DGKG: variants seen among roughly 807,000 people sequenced by gnomAD.
The protein encoded by DGKG is DAG kinase gamma.
DGKG carries 78 observed loss-of-function variants against 105.3 expected under a neutral mutation model. That is an observed-to-expected ratio of 0.74 (90% CI 0.62 to 0.89). The LOEUF (loss-of-function observed/expected upper bound fraction) is 0.89. Among genes scored for constraint, DGKG ranks in the 40% least tolerant of loss-of-function variants. The probability of loss-of-function intolerance (pLI) is 0.00; values close to 1 mark genes in which losing one functional copy is unlikely to be tolerated. For synonymous variants in DGKG, 346 were observed against 367.1 expected (o/e 0.94, Z 0.66); for missense variants, 958 against 1,020.1 (o/e 0.94, Z 0.83).
Position 186,149,020 on chromosome 3 carries a change from ACACACG to A in DGKG, c.*1064_*1069del. On this transcript the variant is annotated 3_prime_UTR_variant, in exon 25 of 25. Coordinates refer to ENST00000265022, the MANE Select transcript of DGKG (RefSeq NM_001346.3). Reference sequence around the variant, plus strand: ...TATATATATACACGCACACACACACACACACGCGCGCACACACGTTAAGACCATCAG... The same window carrying A: ...TATATATATACACGCACACACACACACGCGCACACACGTTAAGACCATCAG... 1 of 978,946 alleles carries A rather than the reference ACACACG, an allele frequency of 1.0e-6. No homozygotes were observed. The highest frequency in any genetic ancestry group is 1.2e-6 in the Non-Finnish European group (1 of 825,966). 60.6% of individuals were successfully genotyped at this position (978,946 alleles called of 1,614,324 possible).
At chr3:186,307,659 G>A (rs1724314319) in intron 2 of DGKG, among the ~76,000 whole-genome samples, 1 of 152,176 alleles carries the variant, frequency 6.6e-6, no homozygotes, top group South Asian at 2.1e-4. Flanking sequence ...GTGAGTCTTT[G>A]TCTATCATAC....
intron 20 of DGKG, among the ~76,000 whole-genome samples, chr3:186,235,111 G>A (rs936249717): frequency 6.6e-6 from 1 of 152,062 alleles, no homozygotes; most frequent in Non-Finnish European, 1.5e-5. Context: ...GGGGAGGGTG[G>A]GGGACAAAAC....
At chr3:186,250,296 G>T (rs374177021) in intron 19 of DGKG, among the ~76,000 whole-genome samples, 15 of 152,038 alleles carry the variant, frequency 9.9e-5, no homozygotes, top group African/African-American at 3.6e-4. Context: ...ACATGGACAC[G>T]AGGGGGAAAC....
intron 3 of DGKG, among the ~76,000 whole-genome samples, chr3:186,298,690 A>T (rs1182796897): frequency 6.6e-6 from 1 of 152,142 alleles, no homozygotes; most frequent in Non-Finnish European, 1.5e-5. Context: ...TGAAAATATG[A>T]TGCAAAGAAA....
At chr3:186,158,620 A>G in intron 24 of DGKG, 4 of 921,256 alleles carry the variant, frequency 4.3e-6, no homozygotes, top group Non-Finnish European at 5.2e-6. Context: ...CTGAACAAAT[A>G]TGATATTTAA....
intron 24 of DGKG, among the ~76,000 whole-genome samples, chr3:186,155,061 G>A (rs1715966915): frequency 6.6e-6 from 1 of 152,180 alleles, no homozygotes; most frequent in Non-Finnish European, 1.5e-5. Context: ...TGATGGTGAA[G>A]CACGAGAGAT....
intron 21 of DGKG, among the ~76,000 whole-genome samples, chr3:186,195,834 G>A (rs1409526889): frequency 3.3e-5 from 5 of 152,134 alleles, no homozygotes; most frequent in African/African-American, 1.2e-4. Context: ...CTAGATTTAG[G>A]GTTGGCTTTT....
At chr3:186,188,124 C>A (rs927126395) in intron 22 of DGKG, 78 bp downstream of exon 22, 5 of 1,535,792 alleles carry the variant, frequency 3.3e-6, no homozygotes, top group South Asian at 2.4e-5. Context: ...TGGGGCCTTA[C>A]GAGGCCTGCT....
chr3:186,160,773 C>A, intron 24 of DGKG: 1 of 985,402 alleles, frequency 1.0e-6, no homozygotes, highest in Non-Finnish European at 1.2e-6. Flanking sequence ...CCCTGAAAAC[C>A]AGGACGACGA....
At chr3:186,305,719 G>A (rs1401203696) in intron 3 of DGKG, among the ~76,000 whole-genome samples, 2 of 152,118 alleles carry the variant, frequency 1.3e-5, no homozygotes, top group South Asian at 2.1e-4. Flanking sequence ...TGCAAGTGGC[G>A]AGATGTGTCT....
At chr3:186,352,251 T>C (rs74612979) in intron 1 of DGKG, among the ~76,000 whole-genome samples, 163 of 152,320 alleles carry the variant, frequency 1.1e-3, no homozygotes, top group Non-Finnish European at 1.8e-3. Context: ...GACATTGGTC[T>C]GAGTCAATAG....
chr3:186,251,650 G>GAA, intron 19 of DGKG, 109 bp downstream of exon 19: 4 of 1,286,296 alleles, frequency 3.1e-6, no homozygotes, highest in Non-Finnish European at 4.4e-6. Context: ...AGGGCTGGGG[G>GAA]GGCAGGTAAG....
chr3:186,335,112 C>T (rs1467061020), intron 1 of DGKG, among the ~76,000 whole-genome samples: 1 of 152,148 alleles, frequency 6.6e-6, no homozygotes, highest in African/African-American at 2.4e-5. Context: ...TATTAGCTTG[C>T]CCAGGCTGGA....
chr3:186,259,109 C>A (rs1449888305), intron 16 of DGKG, among the ~76,000 whole-genome samples: 1 of 127,334 alleles, frequency 7.9e-6, no homozygotes, highest in Non-Finnish European at 1.6e-5. Flanking sequence ...TCCGACGGGA[C>A]TCTCCGACGG....
chr3:186,190,960 C>G (rs1018519874), intron 21 of DGKG, among the ~76,000 whole-genome samples: 10 of 152,126 alleles, frequency 6.6e-5, no homozygotes, highest in African/African-American at 2.4e-4. Context: ...TGTCACCCAG[C>G]CTACTTTTTG....
chr3:186,302,680 C>CTTA (rs1233626975), intron 3 of DGKG, among the ~76,000 whole-genome samples: 1 of 151,046 alleles, frequency 6.6e-6, no homozygotes, highest in African/African-American at 2.4e-5. Context: ...GTGCAGGGCA[C>CTTA]AGTACAGTGC....
At chr3:186,342,807 G>T (rs573300433) in intron 1 of DGKG, among the ~76,000 whole-genome samples, 4 of 152,090 alleles carry the variant, frequency 2.6e-5, no homozygotes, top group Non-Finnish European at 4.4e-5. Context: ...TGGAATAGAG[G>T]CAGCCTGAAG....
intron 20 of DGKG, among the ~76,000 whole-genome samples, chr3:186,228,308 C>G (rs1039284223): frequency 1.1e-4 from 16 of 152,168 alleles, no homozygotes; most frequent in African/African-American, 3.1e-4. Context: ...TTCTCTCTCC[C>G]CCTGGGGATT....
chr3:186,275,739 T>G (rs1722551886), intron 9 of DGKG, 75 bp from the exon 10 acceptor site: 1 of 948,084 alleles, frequency 1.1e-6, no homozygotes, highest in Non-Finnish European at 1.6e-6. Flanking sequence ...GCCTCTTGCA[T>G]GTTCTTCCTT....
Sources: allele counts gnomAD v4.1 joint callset (sites outside exome capture counted in the v4.1 genomes callset), GRCh38; gene constraint gnomAD v4.1.1; transcripts MANE v1.5; gene names NCBI Gene and HGNC (gene_info 2026-07-23, HGNC 2026-07-21).